The following TG variants were observed in gnomAD, a reference collection of about 807,000 sequenced individuals.
The protein encoded by TG is thyroglobulin.
In TG, 270 loss-of-function variants were observed where a neutral mutation model predicts 324.7. The observed-to-expected ratio is 0.83, with a 90% CI of 0.75 to 0.92. The LOEUF (loss-of-function observed/expected upper bound fraction) is 0.92, where lower values mean the gene tolerates loss of function less well. TG is among the 40% of genes least tolerant of loss of function. The pLI is 0.00. For missense variants in TG, 3,591 were observed against 3,456.4 expected, an observed-to-expected ratio of 1.04 and a Z score of -0.98; for synonymous variants, 1,401 against 1,327.0, an observed-to-expected ratio of 1.06 and a Z score of -1.21.
chr8:132,887,748 C>G (rs1476911174), intron 9 of TG, among the ~76,000 whole-genome samples, 200 bp downstream of exon 9: 1 of 152,158 alleles, frequency 6.6e-6, no homozygotes, highest in South Asian at 2.1e-4. Flanking sequence ...GGAGATTTGT[C>G]TGGCCTTAAA....
chr8:133,123,236 A>C (rs1588141944), intron 45 of TG, among the ~76,000 whole-genome samples: 2 of 152,112 alleles, frequency 1.3e-5, no homozygotes, highest in Middle Eastern at 3.4e-3. Context: ...ACTGCCCCTG[A>C]ATCAAGGTAG....
chr8:132,931,858 G>T (rs1822766420), intron 23 of TG, among the ~76,000 whole-genome samples: 2 of 152,100 alleles, frequency 1.3e-5, no homozygotes, highest in African/African-American at 2.4e-5. Flanking sequence ...GACTTTGGGA[G>T]GCCGAGGCAG....
At chr8:133,007,774 T>TC (rs1236562030) in intron 35 of TG, among the ~76,000 whole-genome samples, 9 of 150,066 alleles carry the variant, frequency 6.0e-5, no homozygotes, top group African/African-American at 2.2e-4. Flanking sequence ...TTTAGTTCTT[T>TC]TTTTTTTTTT....
intron 18 of TG, among the ~76,000 whole-genome samples, chr8:132,908,807 G>A (rs1819076127): frequency 6.6e-6 from 1 of 152,136 alleles, no homozygotes; most frequent in South Asian, 2.1e-4. Flanking sequence ...AGATGAGAGG[G>A]GTTTTTTACA....
At chr8:132,884,775 G>T (rs1300255692) in intron 8 of TG, among the ~76,000 whole-genome samples, 1 of 152,288 alleles carries the variant, frequency 6.6e-6, no homozygotes, top group East Asian at 1.9e-4. Context: ...CAATTTTTCT[G>T]TCTGGTATAT....
chr8:132,868,602 C>A (rs1839191768), intron 2 of TG, among the ~76,000 whole-genome samples: 1 of 152,176 alleles, frequency 6.6e-6, no homozygotes, highest in African/African-American at 2.4e-5. Context: ...CTCCAAGTAT[C>A]CTCTTGAGAA....
At chr8:133,053,873 A>C (rs1381738070) in intron 41 of TG, among the ~76,000 whole-genome samples, 2 of 152,356 alleles carry the variant, frequency 1.3e-5, no homozygotes, top group East Asian at 3.9e-4. Context: ...CTTAAACATC[A>C]CTGAGGAAAC....
intron 35 of TG, among the ~76,000 whole-genome samples, chr8:132,987,912 T>C (rs1831778286): frequency 6.6e-6 from 1 of 152,134 alleles, no homozygotes; most frequent in Non-Finnish European, 1.5e-5. Context: ...ATGCAGTGTT[T>C]AGAGCAGCCC....
chr8:133,110,199 C>T (rs73354699), intron 43 of TG, among the ~76,000 whole-genome samples: 7,455 of 152,220 alleles, frequency 0.049, 589 homozygotes, highest in African/African-American at 0.17. Flanking sequence ...TCCCCACTTC[C>T]GCTCCAGCCC....
In TG at chr8:133,121,968, C is replaced by A. The variant is rs1025157360; in HGVS notation, c.7862+5252C>A. Reference sequence around the variant, plus strand: ...CCCAAAAAGACATCTCTCTTTCTCTCTCTCTCTCTCTGCCCCGGAGCTGTC... The same window carrying A: ...CCCAAAAAGACATCTCTCTTTCTCTATCTCTCTCTCTGCCCCGGAGCTGTC... On this transcript the variant is annotated intron_variant, in intron 45 of 47. Coordinates refer to ENST00000220616, the MANE Select transcript of TG (RefSeq NM_003235.5). Among the ~76,000 whole-genome samples, 6 of 152,162 alleles carry A rather than the reference C, an allele frequency of 3.9e-5. 1 individual carries two copies. The highest frequency in any genetic ancestry group is 8.8e-5 in the Non-Finnish European group (6 of 68,026).
rs1055215249 is a variant in TG at position 133,133,612 on chromosome 8, G to A, written c.8140G>A (p.Asp2714Asn). ...CAATCGACAGGGCCTGAAGAAAGCC[G>A]ACTGCTCCTTCTGGTCCAAGTACAT... Reference protein sequence around the residue: ...LPNRQGLKKADCSFWSKYISS... With the variant: ...LPNRQGLKKANCSFWSKYISS... Residue 2714 changes from aspartate (D) to asparagine (N), a missense_variant, in exon 47 of 48, where the codon GAC (aspartate) becomes AAC (asparagine). Coordinates refer to ENST00000220616, the MANE Select transcript of TG (RefSeq NM_003235.5). 9.9e-6 allele frequency: 16 copies of A among 1,614,184 alleles called. No homozygotes were observed. The highest frequency in any genetic ancestry group is 5.3e-5 in the African/African-American group (4 of 75,052).
rs73349615 is a variant in TG, at chr8:132,914,331, C to T, written c.4378+1066C>T. On this transcript the variant is annotated intron_variant, in intron 20 of 47. Coordinates refer to ENST00000220616, the MANE Select transcript of TG (RefSeq NM_003235.5). ...GTGAGATAGAAAGACATTTTTATGG[C>T]GCTAAAGAAAGAGAAGATGTTTCTC... 2.6e-3 allele frequency among the ~76,000 whole-genome samples: 394 copies of T among 152,222 alleles called. 2 individuals are homozygous for T. The highest frequency in any genetic ancestry group is 9.0e-3 in the African/African-American group (372 of 41,516).
At chr8:133,080,412 A>G (rs1845572008) in intron 41 of TG, among the ~76,000 whole-genome samples, 2 of 152,214 alleles carry the variant, frequency 1.3e-5, no homozygotes, top group South Asian at 4.1e-4. Context: ...GCCTAGGCTC[A>G]TGGGCTCTGG....
chr8:132,946,936 A>G (rs966468159), intron 26 of TG, among the ~76,000 whole-genome samples: 5 of 152,158 alleles, frequency 3.3e-5, no homozygotes, highest in Non-Finnish European at 5.9e-5. Flanking sequence ...GCAAAAGGAA[A>G]AACGCACTCT....
chr8:132,884,969 C>A (rs966245896), intron 8 of TG, among the ~76,000 whole-genome samples: 6 of 152,174 alleles, frequency 3.9e-5, no homozygotes, highest in Non-Finnish European at 7.3e-5. Flanking sequence ...TAAAAGAGGC[C>A]ATGGCCTCGT....
chr8:133,118,486 A>G (rs1250251176), intron 45 of TG, among the ~76,000 whole-genome samples: 1 of 151,950 alleles, frequency 6.6e-6, no homozygotes, highest in Non-Finnish European at 1.5e-5. Context: ...CATGATTCCC[A>G]GCTAATTTTC....
rs765451285 is a variant in TG, at chr8:132,882,949, A to C, written c.1025A>C (p.Gln342Pro). ...TEGPCWCVDAQGKEMHGTRQQ... is the reference protein window; with the variant it reads ...TEGPCWCVDAPGKEMHGTRQQ... ...GGGCCCTGCTGGTGTGTGGACGCCC[A>C]GGGGAAGGAAATGCATGGAACCCGG... The change falls in exon 8 of 48, where the codon CAG becomes CCG. Residue 342 changes from glutamine to proline, a missense_variant. Coordinates refer to ENST00000220616, the MANE Select transcript of TG (RefSeq NM_003235.5). 1.9e-6 allele frequency: 3 copies of C among 1,614,152 alleles called. No homozygotes were observed. Among genetic ancestry groups the C allele is most frequent in the Non-Finnish European group, 2.5e-6 (3 of 1,179,992 alleles).
chr8:133,016,892 G>A (rs547078931), intron 37 of TG, among the ~76,000 whole-genome samples: 15 of 152,364 alleles, frequency 9.8e-5, no homozygotes, highest in African/African-American at 4.8e-5. Context: ...GATGAACGTC[G>A]CTGGCGATTA....
At chr8:133,118,320 C>CTTTTTTTT (rs34171048) in intron 45 of TG, among the ~76,000 whole-genome samples, 9 of 88,962 alleles carry the variant, frequency 1.0e-4, no homozygotes, top group East Asian at 3.1e-4. Flanking sequence ...CAGATTCTTC[C>CTTTTTTTT]TTTTTTTTTT....
Sources: gnomAD v4.1 joint callset for allele counts (sites outside exome capture counted in the v4.1 genomes callset) on GRCh38, gnomAD v4.1.1 for gene constraint, MANE v1.5 for transcripts, NCBI Gene and HGNC (gene_info 2026-07-23, HGNC 2026-07-21) for gene names.